The following CCDC126 variants were observed in gnomAD, a reference collection of about 807,000 sequenced individuals.
The protein encoded by CCDC126 is coiled-coil domain containing 126, also known as coiled-coil domain-containing protein 126.
Under a neutral mutation model 11.7 loss-of-function variants are expected in CCDC126, and 5 were observed. The ratio of observed to expected loss-of-function variants is 0.43; its 90% CI spans 0.22 to 0.90. The LOEUF is 0.90. Ranked by LOEUF, CCDC126 falls within the 40% of genes least tolerant of loss-of-function variation. The pLI, the probability that CCDC126 is intolerant of heterozygous loss-of-function variation, is 0.27. For missense variants in CCDC126, 150 were observed against 163.1 expected (o/e 0.92, Z 0.44); for synonymous variants, 60 against 61.9 (o/e 0.97, Z 0.14).
rs1460443486 is a variant in CCDC126, at chr7:23,643,001, AG to A, written c.310del (p.Val104LeufsTer6). ...LQRLVKLENK[V>X]DYIVVNGSAA... ...AACGATTGGTGAAGCTGGAGAACAA[AG>A]TTGACTATATTGTTGTGAATGGCTC... is the stretch of plus-strand genomic sequence containing the variant. On this transcript the variant is annotated frameshift_variant, in exon 4 of 4. Transcript: ENST00000307471. LOFTEE classifies it high-confidence loss of function. 5 of 1,614,192 alleles carry A rather than the reference AG, an allele frequency of 3.1e-6. No individual in the cohort carries two copies. The highest frequency in any genetic ancestry group is 4.2e-6 in the Non-Finnish European group (5 of 1,180,022).
At chr7:23,642,664 G>C (rs984669084) in intron 3 of CCDC126, among the ~76,000 whole-genome samples, 1 of 151,846 alleles carries the variant, frequency 6.6e-6, no homozygotes, top group African/African-American at 2.4e-5. Flanking sequence ...TCAGGAGGCT[G>C]AGGCACGAGA....
intron 3 of CCDC126, among the ~76,000 whole-genome samples, chr7:23,638,962 C>T (rs1783302197): frequency 6.6e-6 from 1 of 150,436 alleles, no homozygotes; most frequent in South Asian, 2.1e-4. Context: ...AAAGGAGATC[C>T]AGTATTTATG....
intron 2 of CCDC126, chr7:23,604,414 T>C (rs894900626): frequency 7.9e-5 from 12 of 152,212 alleles, no homozygotes; most frequent in Non-Finnish European, 4.4e-5. Context: ...ACTTGGTCTT[T>C]GGAGACTGGG....
chr7:23,597,683 C>G (rs939067022), intron 1 of CCDC126, 78 bp downstream of exon 1: 6 of 152,734 alleles, frequency 3.9e-5, no homozygotes, highest in Non-Finnish European at 8.8e-5. Flanking sequence ...CGCTCCTCCC[C>G]CGCCGCGCCC....
intron 3 of CCDC126, among the ~76,000 whole-genome samples, chr7:23,621,435 C>T (rs1295294247): frequency 6.6e-6 from 1 of 152,168 alleles, no homozygotes; most frequent in African/African-American, 2.4e-5. Context: ...ATATTGTATC[C>T]TGAGACTTTG....
At chr7:23,636,062 T>C (rs10950953) in intron 3 of CCDC126, among the ~76,000 whole-genome samples, 5 of 152,068 alleles carry the variant, frequency 3.3e-5, no homozygotes, top group Middle Eastern at 6.8e-3. Context: ...GACGGGGTTT[T>C]GCTGTGTTGG....
chr7:23,616,618 G>A lies in CCDC126; in HGVS notation c.238+5065G>A, dbSNP rs115238353. On this transcript the variant is annotated intron_variant, in intron 3 of 3. Transcript: ENST00000307471. ...GATTTTAAAGGCTCTGCTCTGTTCTGTTTTACTCCTCATCCCCCTAGGTTC... is the reference window on the plus strand; with the variant it reads ...GATTTTAAAGGCTCTGCTCTGTTCTATTTTACTCCTCATCCCCCTAGGTTC... Among the ~76,000 whole-genome samples the A allele has an allele frequency of 6.8e-3, 1,031 of 152,264 alleles. 12 individuals are homozygous for A. The highest frequency in any genetic ancestry group is 0.024 in the African/African-American group (1,003 of 41,556).
At chr7:23,637,283 C>T (rs1455797832) in intron 3 of CCDC126, among the ~76,000 whole-genome samples, 3 of 20,496 alleles carry the variant, frequency 1.5e-4, no homozygotes, top group Non-Finnish European at 2.8e-4. Context: ...CCCGGCCAGC[C>T]GCCCCGTCCG....
At chr7:23,638,721 A>G (rs1166148172) in intron 3 of CCDC126, among the ~76,000 whole-genome samples, 1 of 112,564 alleles carries the variant, frequency 8.9e-6, no homozygotes, top group Non-Finnish European at 1.7e-5. Context: ...ATAAAAAAAA[A>G]AAAATTAAAA....
chr7:23,616,732 A>C (rs1584201197), intron 3 of CCDC126, among the ~76,000 whole-genome samples: 1 of 152,196 alleles, frequency 6.6e-6, no homozygotes, highest in Non-Finnish European at 1.5e-5. Context: ...GTCCCACACC[A>C]TTCTAAAATT....
chr7:23,603,546 G>T (rs1331012562), intron 2 of CCDC126, among the ~76,000 whole-genome samples: 5 of 152,168 alleles, frequency 3.3e-5, no homozygotes, highest in Non-Finnish European at 7.4e-5. Context: ...GGACCAGTAG[G>T]ATTTCTGCCA....
chr7:23,640,471 T>C (rs1783335316), intron 3 of CCDC126, among the ~76,000 whole-genome samples: 2 of 152,128 alleles, frequency 1.3e-5, no homozygotes, highest in South Asian at 4.1e-4. Flanking sequence ...CACTCCAGCC[T>C]GGGCAGCAAG....
intron 3 of CCDC126, among the ~76,000 whole-genome samples, chr7:23,617,699 G>A (rs1369196901): frequency 1.3e-5 from 2 of 152,070 alleles, no homozygotes; most frequent in African/African-American, 2.4e-5. Flanking sequence ...CACTAGTTAG[G>A]GTATTCCCAG....
intron 3 of CCDC126, among the ~76,000 whole-genome samples, chr7:23,619,052 G>A (rs936242122): frequency 6.6e-6 from 1 of 152,130 alleles, no homozygotes; most frequent in Non-Finnish European, 1.5e-5. Context: ...AGTGATCTCA[G>A]CACTCACTAC....
At chr7:23,611,005 G>A (rs547791902) in intron 2 of CCDC126, among the ~76,000 whole-genome samples, 166 bp from the exon 3 acceptor site, 16 of 152,234 alleles carry the variant, frequency 1.1e-4, no homozygotes, top group Middle Eastern at 3.4e-3. Context: ...GAAAAGATAC[G>A]TAAGTGAGAC....
rs995645633 is a variant in CCDC126, at chr7:23,638,879, A to AG, written c.239-4052_239-4051insG. Among the ~76,000 whole-genome samples the AG allele has an allele frequency of 7.4e-5, 11 of 148,558 alleles. No homozygotes were observed. The East Asian group carries it at 7.8e-4, about 10-fold the overall frequency. On this transcript the variant is annotated intron_variant, in intron 3 of 3. Transcript: ENST00000307471. ...ATAAATTAACAAAAAAAAAAAAAAA[A>AG]AAAAAAGACTGTCCCCTGCCCATTT...
intron 3 of CCDC126, among the ~76,000 whole-genome samples, chr7:23,619,715 A>G (rs574539559): frequency 1.4e-4 from 20 of 141,230 alleles, no homozygotes; most frequent in Admixed American, 1.4e-3. Context: ...ATATCTCCTA[A>G]TGCTATCCCT....
At chr7:23,602,642 C>G (rs17148204) in intron 2 of CCDC126, among the ~76,000 whole-genome samples, 7 of 152,088 alleles carry the variant, frequency 4.6e-5, no homozygotes, top group Non-Finnish European at 7.4e-5. Context: ...TGACTGCTCC[C>G]GAGATTCTGG....
At chr7:23,612,123 G>A (rs1782721835) in intron 3 of CCDC126, among the ~76,000 whole-genome samples, 1 of 148,846 alleles carries the variant, frequency 6.7e-6, no homozygotes, top group African/African-American at 2.5e-5. Context: ...TCCATCCTGG[G>A]TGGTAGAGCA....
Sources: gnomAD v4.1 joint callset for allele counts (sites outside exome capture counted in the v4.1 genomes callset) on GRCh38, gnomAD v4.1.1 for gene constraint, MANE v1.5 for transcripts, NCBI Gene and HGNC (gene_info 2026-07-23, HGNC 2026-07-21) for gene names.